ROBO2: variants seen among roughly 807,000 people sequenced by gnomAD.
ROBO2 encodes roundabout homolog 2.
ROBO2 carries 53 observed loss-of-function variants against 160.8 expected under a neutral mutation model. That is an observed-to-expected ratio of 0.33 (90% CI 0.26 to 0.41). The LOEUF (loss-of-function observed/expected upper bound fraction) is 0.41. ROBO2 is among the 10% of genes least tolerant of loss of function. The pLI is 1.00. For missense variants in ROBO2, 1,577 were observed against 1,722.4 expected (o/e 0.92, Z 1.49); for synonymous variants, 664 against 611.7 (o/e 1.09, Z -1.26).
intron 2 of ROBO2, among the ~76,000 whole-genome samples, chr3:76,946,977 G>C (rs1463557634): frequency 6.6e-6 from 1 of 152,046 alleles, no homozygotes; most frequent in Admixed American, 6.6e-5. Context: ...AATCATTCTT[G>C]TGTATATTTA....
At chr3:76,406,951 T>A (rs2108800456) in intron 2 of ROBO2, among the ~76,000 whole-genome samples, 1 of 151,370 alleles carries the variant, frequency 6.6e-6, no homozygotes, top group Non-Finnish European at 1.5e-5. Flanking sequence ...CACATCCTAC[T>A]CTCGCCTACA....
chr3:77,342,254 G>A (rs910109851), intron 2 of ROBO2, among the ~76,000 whole-genome samples: 5 of 152,182 alleles, frequency 3.3e-5, no homozygotes, highest in Non-Finnish European at 7.4e-5. Flanking sequence ...TTGTACATAA[G>A]GAGACCATGT....
chr3:76,965,925 T>TC (rs1387814883), intron 2 of ROBO2, among the ~76,000 whole-genome samples: 2 of 144,678 alleles, frequency 1.4e-5, no homozygotes, highest in Non-Finnish European at 3.0e-5. Context: ...TATTTTCTTT[T>TC]TTTTTTTTTT....
chr3:77,317,060 T>TGTGAA, intron 2 of ROBO2: 1 of 1,473,484 alleles, frequency 6.8e-7, no homozygotes, highest in East Asian at 2.3e-5. Context: ...TTCACAGTAG[T>TGTGAA]GTGAAGCTGG....
intron 1 of ROBO2, among the ~76,000 whole-genome samples, chr3:77,065,036 A>T (rs1343498130): frequency 6.6e-6 from 1 of 152,196 alleles, no homozygotes; most frequent in East Asian, 1.9e-4. Flanking sequence ...TTATTCAATG[A>T]TTCTAATGTA....
intron 2 of ROBO2, among the ~76,000 whole-genome samples, chr3:76,229,083 G>C (rs1474756193): frequency 6.6e-6 from 1 of 151,898 alleles, no homozygotes; most frequent in Admixed American, 6.6e-5. Flanking sequence ...AAATTCTCTA[G>C]TATATCAGTT....
At chr3:76,579,991 C>T (rs1238239785) in intron 2 of ROBO2, among the ~76,000 whole-genome samples, 2 of 152,086 alleles carry the variant, frequency 1.3e-5, no homozygotes, top group Non-Finnish European at 2.9e-5. Flanking sequence ...TTAGCTCTCA[C>T]CCTTATACTC....
At chr3:77,064,695 A>C (rs1214203581) in intron 1 of ROBO2, among the ~76,000 whole-genome samples, 1 of 152,174 alleles carries the variant, frequency 6.6e-6, no homozygotes, top group Admixed American at 6.6e-5. Context: ...TAAAAAGTGT[A>C]GTAGTTTTGA....
intron 21 of ROBO2, among the ~76,000 whole-genome samples, chr3:77,613,489 C>T (rs1485413719): frequency 2.6e-5 from 4 of 152,034 alleles, no homozygotes; most frequent in African/African-American, 9.7e-5. Context: ...TTAATTATAT[C>T]TAGTTATGAA....
At chr3:75,922,561 A>G (rs1446543164) in intron 1 of ROBO2, among the ~76,000 whole-genome samples, 1 of 152,126 alleles carries the variant, frequency 6.6e-6, no homozygotes, top group Non-Finnish European at 1.5e-5. Context: ...ATAAAAAAAG[A>G]CAAAGTACAT....
At chr3:76,642,340 G>GGTTTTTT (rs2090723661) in intron 2 of ROBO2, among the ~76,000 whole-genome samples, 1 of 95,454 alleles carries the variant, frequency 1.0e-5, no homozygotes, top group African/African-American at 4.5e-5. Flanking sequence ...ATTTACACTT[G>GGTTTTTT]CTTTTTTTTT....
In ROBO2 at chr3:77,588,853, C is replaced by G. The variant is rs1259985836; in HGVS notation, c.2603C>G (p.Ala868Gly). ...GCCTTTATAGCTGGTATTGGTGGTG[C>G]CTGCTGGGTAATTCTGATGGGTTTT... Residue 868 changes from alanine to glycine, a missense_variant, in exon 17 of 26, where the codon GCC (alanine) becomes GGC (glycine). Ala to Gly is a moderately conservative substitution (Grantham distance 60). Transcript: ENST00000461745. 4 of 1,613,506 alleles carry G rather than the reference C, an allele frequency of 2.5e-6. No individual in the cohort carries two copies. Among genetic ancestry groups the G allele is most frequent in the East Asian group, 2.2e-5 (1 of 44,850 alleles).
intron 2 of ROBO2, among the ~76,000 whole-genome samples, chr3:75,957,662 C>T (rs751244781): frequency 1.3e-5 from 2 of 150,254 alleles, no homozygotes; most frequent in African/African-American, 2.4e-5. Flanking sequence ...GTTATTGATG[C>T]GTTCTTGAAA....
In ROBO2 at chr3:77,512,618, G is replaced by T. The variant is rs148824905; in HGVS notation, c.807-10157G>T. ...GTGATTTTCTCCTAAAAATTCTTCT[G>T]TTGAAAGTAAGACATTACACTATGT... is the stretch of plus-strand genomic sequence containing the variant. On this transcript the variant is annotated intron_variant, in intron 5 of 25. Coordinates refer to ENST00000461745, the Ensembl canonical transcript of ROBO2. Among the ~76,000 whole-genome samples the T allele has an allele frequency of 5.7e-4, 86 of 152,044 alleles. No individual in the cohort carries two copies. The East Asian group carries it at 7.4e-3, about 13-fold the overall frequency.
At chr3:76,958,650 G>C (rs910874614) in intron 2 of ROBO2, among the ~76,000 whole-genome samples, 1 of 152,150 alleles carries the variant, frequency 6.6e-6, no homozygotes, top group African/African-American at 2.4e-5. Context: ...CCACTCTCTG[G>C]CTTATGCAGT....
chr3:76,721,395 T>A (rs1414756647), intron 2 of ROBO2, among the ~76,000 whole-genome samples: 1 of 152,228 alleles, frequency 6.6e-6, no homozygotes, highest in African/African-American at 2.4e-5. Context: ...GGCTCTTCCA[T>A]TTCATTTCCT....
At chr3:76,769,552 A>G (rs1461471405) in intron 2 of ROBO2, among the ~76,000 whole-genome samples, 1 of 151,462 alleles carries the variant, frequency 6.6e-6, no homozygotes, top group Non-Finnish European at 1.5e-5. Context: ...AACTATTGTC[A>G]TAAGACAAAA....
In ROBO2 at chr3:76,328,025, A is replaced by G. The variant is rs199930370; in HGVS notation, c.109+390423A>G. Among the ~76,000 whole-genome samples the G allele has an allele frequency of 1.5e-4, 23 of 152,286 alleles. No individual in the cohort carries two copies. The East Asian group carries it at 3.9e-3, about 26-fold the overall frequency. On this transcript the variant is annotated intron_variant, in intron 2 of 26. Coordinates refer to the ROBO2 transcript ENST00000487694. ...ATGTGTGTTTCAAAGGGGAAAAAAA[A>G]AGAAGAAACCAGAAAGAAGAGAAAG... is the stretch of plus-strand genomic sequence containing the variant.
chr3:76,160,686 T>C (rs1262044370), intron 2 of ROBO2, among the ~76,000 whole-genome samples: 1 of 152,166 alleles, frequency 6.6e-6, no homozygotes, highest in Non-Finnish European at 1.5e-5. Flanking sequence ...TGATATTTGT[T>C]CTTGTTTTAG....
Sources: gnomAD v4.1 joint callset for allele counts (sites outside exome capture counted in the v4.1 genomes callset) on GRCh38, gnomAD v4.1.1 for gene constraint, MANE v1.5 for transcripts, NCBI Gene and HGNC (gene_info 2026-07-23, HGNC 2026-07-21) for gene names.